SIAH1: variants seen among roughly 807,000 people sequenced by gnomAD.
SIAH1 encodes E3 ubiquitin-protein ligase SIAH1.
Under a neutral mutation model 20.0 loss-of-function variants are expected in SIAH1, and 2 were observed. The observed-to-expected ratio is 0.10, with a 90% confidence interval of 0.04 to 0.31. SIAH1 has a LOEUF of 0.31. Among genes scored for constraint, SIAH1 ranks in the 10% least tolerant of loss-of-function variants. SIAH1 has a pLI of 1.00. For missense variants in SIAH1, 119 were observed against 355.3 expected (o/e 0.33, Z 5.35); for synonymous variants, 118 against 125.3 (o/e 0.94, Z 0.39).
intron 1 of SIAH1, among the ~76,000 whole-genome samples, chr16:48,379,027 TACTC>T (rs1393460291): frequency 6.6e-6 from 1 of 152,254 alleles, no homozygotes; most frequent in Non-Finnish European, 1.5e-5. Context: ...AGAAGTAACT[TACTC>T]AACAACTAAT....
chr16:48,382,903 T>C (rs1203214780), intron 1 of SIAH1, among the ~76,000 whole-genome samples: 1 of 152,208 alleles, frequency 6.6e-6, no homozygotes, highest in African/African-American at 2.4e-5. Flanking sequence ...CAAAACACCA[T>C]ACTCACTGAA....
chr16:48,376,674 T>G (rs548874412), intron 1 of SIAH1, among the ~76,000 whole-genome samples: 1 of 152,102 alleles, frequency 6.6e-6, no homozygotes, highest in African/African-American at 2.4e-5. Context: ...TCTTAAACAT[T>G]TTAAAAGTTA....
In SIAH1 at chr16:48,360,867, C is replaced by G. The variant is rs1567365119; in HGVS notation, c.*713G>C. ...CTTTAAATAGCTTTTGATTATTTTT[C>G]CGATGTCACCTTTACTTTCTGGAAC... On this transcript the variant is annotated 3_prime_UTR_variant, in exon 2 of 2. Coordinates refer to ENST00000394725, the MANE Select transcript of SIAH1 (RefSeq NM_003031.4). The G allele has an allele frequency of 2.6e-5, 4 of 152,270 alleles. No individual in the cohort carries two copies. In the East Asian group the frequency reaches 5.8e-4, roughly 22 times the overall value. 9.4% of individuals were successfully genotyped at this position (152,270 alleles called of 1,614,324 possible).
In SIAH1 at chr16:48,385,255, G is replaced by A; in HGVS notation, c.-54C>T. 3.1e-6 allele frequency: 1 copy of A among 320,046 alleles called. No homozygotes were observed. Among genetic ancestry groups the A allele is most frequent in the South Asian group, 2.1e-5 (1 of 46,984 alleles). 19.8% of individuals were successfully genotyped at this position (320,046 alleles called of 1,614,324 possible). On this transcript the variant is annotated 5_prime_UTR_variant, in exon 1 of 2. The change creates a new upstream start codon in the 5' untranslated region. Coordinates refer to ENST00000394725, the MANE Select transcript of SIAH1 (RefSeq NM_003031.4). The stretch of plus-strand genomic sequence containing the variant: ...CCCGGTCCTGGCACCAACGCGCTCC[G>A]TCGCCAACCCCCGCCACCGCGGGCA...
At chr16:48,367,621 CAA>C (rs1960876521) in intron 1 of SIAH1, among the ~76,000 whole-genome samples, 1 of 152,190 alleles carries the variant, frequency 6.6e-6, no homozygotes, top group Non-Finnish European at 1.5e-5. Flanking sequence ...ATTTAATTGC[CAA>C]GTCATCAATT....
chr16:48,375,068 T>C (rs1432514103), intron 1 of SIAH1, among the ~76,000 whole-genome samples: 1 of 152,206 alleles, frequency 6.6e-6, no homozygotes, highest in African/African-American at 2.4e-5. Context: ...GATAATTACT[T>C]GAACCCGGGC....
chr16:48,360,662 A>G lies in SIAH1; in HGVS notation c.*918T>C, dbSNP rs1960547190. 6.6e-6 allele frequency: 1 copy of G among 152,660 alleles called. No homozygotes were observed. The allele number at this position is 152,660 out of a possible 1,614,324, so 9.5% of individuals were successfully genotyped here. On this transcript the variant is annotated 3_prime_UTR_variant, in exon 2 of 2. Coordinates refer to ENST00000394725, the MANE Select transcript of SIAH1 (RefSeq NM_003031.4). The stretch of plus-strand genomic sequence containing the variant: ...TGTGCATGACGATGCCTTCTTCTGC[A>G]AAACCAATAAATACAAGAACAAATT...
chr16:48,363,625 A>C (rs1461828407), intron 1 of SIAH1: 1 of 167,164 alleles, frequency 6.0e-6, no homozygotes, highest in Non-Finnish European at 1.5e-5. Flanking sequence ...AGATGATAGC[A>C]CGGCAGAGAT....
intron 1 of SIAH1, among the ~76,000 whole-genome samples, chr16:48,382,421 T>C (rs571065941): frequency 1.5e-3 from 224 of 152,206 alleles, no homozygotes; most frequent in South Asian, 6.8e-3. Context: ...TGAATGTCAT[T>C]AGAATACGCA....
At chr16:48,372,836 A>G (rs1440572014) in intron 1 of SIAH1, among the ~76,000 whole-genome samples, 1 of 152,218 alleles carries the variant, frequency 6.6e-6, no homozygotes, top group Non-Finnish European at 1.5e-5. Context: ...ATTCAGCCTG[A>G]CAGTATCCAA....
At chr16:48,373,548 T>A (rs1325801016) in intron 1 of SIAH1, among the ~76,000 whole-genome samples, 1 of 152,148 alleles carries the variant, frequency 6.6e-6, no homozygotes. Flanking sequence ...CCTCCCTACC[T>A]CTACCACTAC....
At chr16:48,373,516 A>G (rs1224445512) in intron 1 of SIAH1, among the ~76,000 whole-genome samples, 1 of 152,134 alleles carries the variant, frequency 6.6e-6, no homozygotes, top group Non-Finnish European at 1.5e-5. Context: ...TCCCTTCAAA[A>G]TGTATTCAGA....
chr16:48,367,068 G>A (rs9925772), intron 1 of SIAH1, among the ~76,000 whole-genome samples: 29,249 of 151,876 alleles, frequency 0.19, 3,302 homozygotes, highest in African/African-American at 0.31. Flanking sequence ...CACCACTCTC[G>A]TTAATTTTCT....
intron 1 of SIAH1, among the ~76,000 whole-genome samples, chr16:48,373,075 G>C (rs1361997342): frequency 6.6e-6 from 1 of 152,092 alleles, no homozygotes; most frequent in Non-Finnish European, 1.5e-5. Flanking sequence ...AATTGTAGCT[G>C]CCTATAAATT....
intron 1 of SIAH1, chr16:48,365,742 C>G: frequency 7.3e-7 from 1 of 1,376,726 alleles, no homozygotes. Flanking sequence ...CCAATGTGCC[C>G]TAAGCTTTCG....
At chr16:48,382,842 A>G (rs1961333709) in intron 1 of SIAH1, among the ~76,000 whole-genome samples, 1 of 152,182 alleles carries the variant, frequency 6.6e-6, no homozygotes, top group Non-Finnish European at 1.5e-5. Flanking sequence ...AGTCACCTAA[A>G]ACTCTGTAAA....
At chr16:48,374,010 C>T (rs1445284989) in intron 1 of SIAH1, among the ~76,000 whole-genome samples, 1 of 152,210 alleles carries the variant, frequency 6.6e-6, no homozygotes, top group Non-Finnish European at 1.5e-5. Context: ...TTCAATGACA[C>T]TCACTCAGAC....
chr16:48,367,456 A>G (rs561411596), intron 1 of SIAH1, among the ~76,000 whole-genome samples: 82 of 152,232 alleles, frequency 5.4e-4, no homozygotes, highest in Non-Finnish European at 9.7e-4. Flanking sequence ...AGAGTCATCT[A>G]CACTTGGATT....
intron 1 of SIAH1, among the ~76,000 whole-genome samples, chr16:48,372,058 GTAATCTA>G (rs1433679436): frequency 6.6e-6 from 1 of 152,102 alleles, no homozygotes; most frequent in Admixed American, 6.5e-5. Context: ...AAAATTAGCA[GTAATCTA>G]TATTTGGGAT....
Sources: allele counts gnomAD v4.1 joint callset (sites outside exome capture counted in the v4.1 genomes callset), GRCh38; gene constraint gnomAD v4.1.1; transcripts MANE v1.5; gene names NCBI Gene and HGNC (gene_info 2026-07-23, HGNC 2026-07-21).